ANKFY1: variants seen among roughly 807,000 people sequenced by gnomAD.
The protein encoded by ANKFY1 is ankyrin repeat and FYVE domain containing 1.
In ANKFY1, 47 loss-of-function variants were observed where a neutral mutation model predicts 128.3. That is an observed-to-expected ratio of 0.37 (90% CI 0.29 to 0.47). The LOEUF (loss-of-function observed/expected upper bound fraction) is 0.47. ANKFY1 is among the 20% of genes least tolerant of loss of function. The pLI is 1.00. For synonymous variants in ANKFY1, 553 were observed against 601.6 expected (o/e 0.92, Z 1.18); for missense variants, 1,222 against 1,510.6 (o/e 0.81, Z 3.17).
intron 22 of ANKFY1, among the ~76,000 whole-genome samples, chr17:4,171,142 G>T (rs748470043): frequency 4.6e-5 from 7 of 152,380 alleles, no homozygotes; most frequent in Non-Finnish European, 8.8e-5. Flanking sequence ...CAAGAGAGCT[G>T]AGGTCGCGCA....
intron 12 of ANKFY1, 137 bp from the exon 13 acceptor site, chr17:4,184,047 T>G: frequency 1.4e-6 from 1 of 695,838 alleles, no homozygotes. Flanking sequence ...AGATAAATCT[T>G]GTCAAGACTC....
At chr17:4,202,101 C>G (rs1187529537) in intron 7 of ANKFY1, among the ~76,000 whole-genome samples, 1 of 152,088 alleles carries the variant, frequency 6.6e-6, no homozygotes, top group Non-Finnish European at 1.5e-5. Context: ...ATATTCCAAA[C>G]TAAGACACAA....
intron 7 of ANKFY1, among the ~76,000 whole-genome samples, chr17:4,199,258 C>T (rs73326741): frequency 9.9e-4 from 151 of 152,330 alleles, no homozygotes; most frequent in African/African-American, 3.6e-3. Context: ...GGCACGATCA[C>T]GGCTCATTGC....
rs72829334 is a variant in ANKFY1 at position 4,195,786 on chromosome 17, A to G, written c.1104-315T>C. Among the ~76,000 whole-genome samples the G allele has an allele frequency of 1.7e-3, 254 of 152,280 alleles. 1 individual carries two copies. The highest frequency in any genetic ancestry group is 3.2e-3 in the Non-Finnish European group (218 of 68,010). ...ACAGCAGTTTCTGCCACAGGTGTGC[A>G]GATTTTCCCTCATCTCTTCTCCATC... On this transcript the variant is annotated intron_variant, in intron 8 of 24. Coordinates refer to ENST00000341657, the MANE Select transcript of ANKFY1 (RefSeq NM_001330063.2).
At chr17:4,216,912 C>G in intron 4 of ANKFY1, 71 bp downstream of exon 4, 1 of 1,601,144 alleles carries the variant, frequency 6.2e-7, no homozygotes. Context: ...AAGCTGTTTT[C>G]CCAGAGCTCG....
intron 7 of ANKFY1, among the ~76,000 whole-genome samples, chr17:4,197,895 C>T (rs930404732): frequency 2.0e-5 from 3 of 152,082 alleles, no homozygotes; most frequent in South Asian, 2.1e-4. Context: ...TTTGGGAGGC[C>T]GAGGTGGGCG....
At chr17:4,175,971 ACCT>A (rs1403283065) in intron 19 of ANKFY1, among the ~76,000 whole-genome samples, 5 of 152,074 alleles carry the variant, frequency 3.3e-5, no homozygotes, top group Non-Finnish European at 7.4e-5. Flanking sequence ...AGGGACCGTA[ACCT>A]CCTCCAGCCC....
intron 3 of ANKFY1, chr17:4,222,719 T>C (rs1366541296): frequency 3.4e-6 from 3 of 890,586 alleles, no homozygotes; most frequent in Non-Finnish European, 5.8e-6. Context: ...TATATTAGGG[T>C]AGGGTTTCTT....
At chr17:4,170,612 G>C (rs1219690880) in intron 23 of ANKFY1, 103 bp downstream of exon 23, 2 of 1,480,718 alleles carry the variant, frequency 1.4e-6, no homozygotes, top group African/African-American at 2.8e-5. Flanking sequence ...GAGCGGTTCC[G>C]ATCCTAAGGC....
chr17:4,225,121 C>T (rs1243671858), intron 3 of ANKFY1, among the ~76,000 whole-genome samples: 2 of 151,700 alleles, frequency 1.3e-5, no homozygotes, highest in South Asian at 2.1e-4. Context: ...TCTGGGAGGC[C>T]GAGGCAGGCG....
intron 2 of ANKFY1, among the ~76,000 whole-genome samples, chr17:4,240,985 T>C (rs1309742405): frequency 5.3e-5 from 8 of 152,160 alleles, no homozygotes; most frequent in Admixed American, 5.2e-4. Context: ...GCCTTTAACA[T>C]CTACCTCAAA....
chr17:4,190,207 G>A (rs537542257), intron 10 of ANKFY1, among the ~76,000 whole-genome samples: 4 of 152,300 alleles, frequency 2.6e-5, no homozygotes, highest in Admixed American at 2.0e-4. Flanking sequence ...TTTGGAGGCC[G>A]AGGCAGGCGG....
At chr17:4,221,984 G>A (rs1448438741) in intron 3 of ANKFY1, 1 of 152,246 alleles carries the variant, frequency 6.6e-6, no homozygotes, top group Non-Finnish European at 1.5e-5. Flanking sequence ...TGCCGCCAAG[G>A]AGGTGGCGGC....
chr17:4,194,104 T>TATATA (rs58136411), intron 10 of ANKFY1, among the ~76,000 whole-genome samples: 72 of 43,034 alleles, frequency 1.7e-3, no homozygotes, highest in South Asian at 4.6e-3. Context: ...TATATATATA[T>TATATA]TTTTTTTTTT....
rs756048558 is a variant in ANKFY1 at position 4,197,537 on chromosome 17, G to A, written c.939C>T (p.Ala313=). 6.2e-7 allele frequency: 1 copy of A among 1,614,140 alleles called. No individual in the cohort carries two copies. The highest frequency in any genetic ancestry group is 1.1e-5 in the South Asian group (1 of 91,080). ...CACCCAGTGTAGCAGCGTTGACAAAGGCCCCATTCTTAATGAGGAAAGTGG... is the reference window on the plus strand; with the variant it reads ...CACCCAGTGTAGCAGCGTTGACAAAAGCCCCATTCTTAATGAGGAAAGTGG... The part of the protein sequence containing the change: ...FAATFLIKNG[A]FVNAATLGAQ... Residue 313 remains alanine (A), a synonymous_variant, in exon 8 of 25, where the codon GCC becomes GCT. Transcript: ENST00000341657.
At chr17:4,193,253 TTTTG>T (rs1243209607) in intron 10 of ANKFY1, among the ~76,000 whole-genome samples, 4 of 152,028 alleles carry the variant, frequency 2.6e-5, no homozygotes, top group African/African-American at 7.2e-5. Flanking sequence ...CATTCAAGCC[TTTTG>T]TTTGTTTGTT....
At chr17:4,244,303 A>G (rs1007835186) in intron 1 of ANKFY1, among the ~76,000 whole-genome samples, 2 of 152,184 alleles carry the variant, frequency 1.3e-5, no homozygotes, top group African/African-American at 2.4e-5. Flanking sequence ...TTACAACTCT[A>G]CATTAGAGAG....
chr17:4,237,906 CT>C (rs1171908401), intron 2 of ANKFY1, among the ~76,000 whole-genome samples: 1 of 151,986 alleles, frequency 6.6e-6, no homozygotes, highest in Non-Finnish European at 1.5e-5. Context: ...CAAAGAGTTT[CT>C]TGTTAGTTTC....
intron 13 of ANKFY1, 39 bp from the exon 14 acceptor site, chr17:4,183,590 TC>T: frequency 6.2e-7 from 1 of 1,602,586 alleles, no homozygotes; most frequent in Non-Finnish European, 8.5e-7. Context: ...GCTCGGCTTT[TC>T]CCGCTTCCTC....
Sources: allele counts gnomAD v4.1 joint callset (sites outside exome capture counted in the v4.1 genomes callset), GRCh38; gene constraint gnomAD v4.1.1; transcripts MANE v1.5; gene names NCBI Gene and HGNC (gene_info 2026-07-23, HGNC 2026-07-21).